The following COL8A1 variants were observed in gnomAD, a reference collection of about 807,000 sequenced individuals.
COL8A1 encodes collagen type VIII alpha 1 chain.
A neutral mutation model predicts 42.7 loss-of-function variants in COL8A1; 21 were observed. The ratio of observed to expected loss-of-function variants is 0.49; its 90% CI spans 0.35 to 0.71. The LOEUF is 0.71. Ranked by LOEUF, COL8A1 falls within the 30% of genes least tolerant of loss-of-function variation. The pLI is 0.01. For synonymous variants in COL8A1, 367 were observed against 369.1 expected, an observed-to-expected ratio of 0.99 and a Z score of 0.06; for missense variants, 788 against 962.4, an observed-to-expected ratio of 0.82 and a Z score of 2.40.
chr3:99,730,006 A>G (rs575290830), intron 1 of COL8A1, among the ~76,000 whole-genome samples: 30 of 152,124 alleles, frequency 2.0e-4, no homozygotes, highest in Non-Finnish European at 3.5e-4. Context: ...ATGAATCAGT[A>G]AAATAAAATA....
chr3:99,666,655 T>A (rs1434984752), intron 1 of COL8A1, among the ~76,000 whole-genome samples: 1 of 152,252 alleles, frequency 6.6e-6, no homozygotes, highest in Non-Finnish European at 1.5e-5. Context: ...ATTTTGTTTG[T>A]TTCCACTTTC....
intron 1 of COL8A1, among the ~76,000 whole-genome samples, chr3:99,715,006 G>A (rs749366326): frequency 3.3e-5 from 5 of 151,976 alleles, no homozygotes; most frequent in African/African-American, 4.8e-5. Flanking sequence ...GGTGTGTTTC[G>A]GGAATAGCAA....
chr3:99,660,531 C>T (rs1432381350), intron 1 of COL8A1, among the ~76,000 whole-genome samples: 1 of 152,112 alleles, frequency 6.6e-6, no homozygotes, highest in Non-Finnish European at 1.5e-5. Flanking sequence ...TGCAAGGGGG[C>T]TGGCAATAGG....
chr3:99,774,134 C>A (rs1433749088), intron 2 of COL8A1, among the ~76,000 whole-genome samples: 1 of 151,212 alleles, frequency 6.6e-6, no homozygotes, highest in Non-Finnish European at 1.5e-5. Context: ...CTTGAGCCAC[C>A]ACGCCCAACC....
intron 2 of COL8A1, among the ~76,000 whole-genome samples, chr3:99,789,558 T>C (rs1168605273): frequency 6.6e-6 from 1 of 152,200 alleles, no homozygotes; most frequent in Non-Finnish European, 1.5e-5. Context: ...ACTTGCCCTC[T>C]AGTGTGCATT....
intron 2 of COL8A1, among the ~76,000 whole-genome samples, chr3:99,787,100 A>G (rs1307584885): frequency 6.6e-6 from 1 of 152,234 alleles, no homozygotes; most frequent in Non-Finnish European, 1.5e-5. Flanking sequence ...GGCAAGGACC[A>G]ACAGATTAAA....
chr3:99,734,778 A>G (rs1315383162), intron 1 of COL8A1, among the ~76,000 whole-genome samples: 6 of 152,068 alleles, frequency 3.9e-5, no homozygotes, highest in Non-Finnish European at 8.8e-5. Context: ...CTTCCTACCC[A>G]TGAGCATGGA....
intron 1 of COL8A1, among the ~76,000 whole-genome samples, chr3:99,734,545 T>G (rs1389787992): frequency 6.6e-6 from 1 of 152,022 alleles, no homozygotes; most frequent in Non-Finnish European, 1.5e-5. Flanking sequence ...CTGTTTTGGT[T>G]ACTGTAGCCT....
chr3:99,719,333 T>C (rs990069450), intron 1 of COL8A1, among the ~76,000 whole-genome samples: 3 of 152,138 alleles, frequency 2.0e-5, no homozygotes, highest in African/African-American at 4.8e-5. Context: ...TGTTCACTAA[T>C]ATATTTCAAC....
intron 2 of COL8A1, among the ~76,000 whole-genome samples, chr3:99,767,530 T>A (rs1667678720): frequency 6.6e-6 from 1 of 152,204 alleles, no homozygotes; most frequent in Non-Finnish European, 1.5e-5. Context: ...ACATGTTTTT[T>A]TGGAAAAAGA....
chr3:99,765,662 C>T (rs1411154239), intron 2 of COL8A1, among the ~76,000 whole-genome samples: 1 of 152,136 alleles, frequency 6.6e-6, no homozygotes, highest in Non-Finnish European at 1.5e-5. Context: ...GGTATTTTCT[C>T]AATATCATTC....
In COL8A1 at chr3:99,762,499, G is replaced by A. The variant is rs143467082; in HGVS notation, c.-4+17478G>A. On this transcript the variant is annotated intron_variant, in intron 2 of 3. Transcript: ENST00000652472. ...TCAGACTCTTTGGAGTTCTGAATGC[G>A]AAGATGCAGGGAGACCAGCCTGCTG... Among the ~76,000 whole-genome samples, 568 of 152,338 alleles carry A rather than the reference G, an allele frequency of 3.7e-3. 3 individuals are homozygous for A. Among genetic ancestry groups the A allele is most frequent in the Non-Finnish European group, 5.5e-3 (371 of 68,034 alleles).
At chr3:99,638,954 G>C (rs569160320) in intron 1 of COL8A1, among the ~76,000 whole-genome samples, 1 of 152,280 alleles carries the variant, frequency 6.6e-6, no homozygotes, top group African/African-American at 2.4e-5. Flanking sequence ...TCTGTTTGGG[G>C]TGTTGTACTG....
intron 2 of COL8A1, among the ~76,000 whole-genome samples, chr3:99,785,320 T>A (rs1192498333): frequency 6.6e-6 from 1 of 152,200 alleles, no homozygotes; most frequent in African/African-American, 2.4e-5. Flanking sequence ...CTAAGACTTT[T>A]GATGATGAGG....
intron 1 of COL8A1, among the ~76,000 whole-genome samples, chr3:99,715,566 A>G (rs1394091606): frequency 6.6e-6 from 1 of 152,182 alleles, no homozygotes; most frequent in Middle Eastern, 3.4e-3. Context: ...CCTGAGAAGC[A>G]GGAGGCTCTT....
At chr3:99,725,999 C>A (rs1263464632) in intron 1 of COL8A1, among the ~76,000 whole-genome samples, 1 of 152,162 alleles carries the variant, frequency 6.6e-6, no homozygotes, top group Non-Finnish European at 1.5e-5. Context: ...CACTAACTTC[C>A]ACAGTTGTTG....
chr3:99,650,648 A>C (rs2107289141), intron 1 of COL8A1, among the ~76,000 whole-genome samples: 1 of 152,200 alleles, frequency 6.6e-6, no homozygotes, highest in East Asian at 1.9e-4. Context: ...TGCCTAAGAT[A>C]GTCTCGAACT....
intron 2 of COL8A1, among the ~76,000 whole-genome samples, chr3:99,784,066 C>T (rs1010127528): frequency 6.6e-6 from 1 of 152,102 alleles, no homozygotes; most frequent in Non-Finnish European, 1.5e-5. Flanking sequence ...AGAAGAATTC[C>T]TTATTTCATG....
chr3:99,789,731 A>T (rs1033378942), intron 2 of COL8A1, among the ~76,000 whole-genome samples: 1 of 152,208 alleles, frequency 6.6e-6, no homozygotes, highest in African/African-American at 2.4e-5. Flanking sequence ...GAAGCAGCGT[A>T]TTCTTATTAA....
Sources: gnomAD v4.1 joint callset for allele counts (sites outside exome capture counted in the v4.1 genomes callset) on GRCh38, gnomAD v4.1.1 for gene constraint, MANE v1.5 for transcripts, NCBI Gene and HGNC (gene_info 2026-07-23, HGNC 2026-07-21) for gene names.